Variants in GET4 observed in about 807,000 individuals in gnomAD.
GET4 encodes the protein guided entry of tail-anchored proteins factor 4.
GET4 carries 20 observed loss-of-function variants against 40.0 expected under a neutral mutation model. The observed-to-expected ratio is 0.50, with a 90% confidence interval of 0.35 to 0.73. GET4 has a LOEUF of 0.73. Among genes scored for constraint, GET4 ranks in the 30% least tolerant of loss-of-function variants. GET4 has a pLI of 0.01. For missense variants in GET4, 557 were observed against 454.0 expected, an observed-to-expected ratio of 1.23 and a Z score of -2.06; for synonymous variants, 280 against 194.6, an observed-to-expected ratio of 1.44 and a Z score of -3.65.
In GET4 at chr7:895,579, T is replaced by C. The variant is rs1844464074; in HGVS notation, c.*157T>C. 1 of 502,052 alleles carries C rather than the reference T, an allele frequency of 2.0e-6. No homozygotes were observed. Among genetic ancestry groups the C allele is most frequent in the Middle Eastern group, 5.3e-4 (1 of 1,898 alleles). The allele number at this position is 502,052 out of a possible 1,614,324, so 31.1% of individuals were successfully genotyped here. On this transcript the variant is annotated 3_prime_UTR_variant, in exon 9 of 9. Coordinates refer to ENST00000265857, the MANE Select transcript of GET4 (RefSeq NM_015949.3). ...TCTGTTTCTGTGCGGCGGCTCAGGG[T>C]GGCGCGGCTGCTGCTCACTGTGCTG...
At chr7:887,574 G>C (rs1844216994) in intron 4 of GET4, 55 bp downstream of exon 4, 2 of 1,377,894 alleles carry the variant, frequency 1.5e-6, no homozygotes, top group Non-Finnish European at 1.9e-6. Flanking sequence ...GCGTTGATTT[G>C]CACTGTGCGT....
intron 6 of GET4, among the ~76,000 whole-genome samples, chr7:892,667 A>G (rs1844355147): frequency 7.7e-6 from 1 of 129,642 alleles, no homozygotes; most frequent in Non-Finnish European, 1.6e-5. Context: ...GGCGTGGGGG[A>G]GTGTAGGTGT....
chr7:894,622 C>A (rs536176670), intron 8 of GET4, among the ~76,000 whole-genome samples: 1 of 152,144 alleles, frequency 6.6e-6, no homozygotes, highest in Non-Finnish European at 1.5e-5. Context: ...CCGTCAGGAG[C>A]GCCCTGACTC....
intron 1 of GET4, chr7:884,425 G>T: frequency 8.4e-7 from 1 of 1,190,620 alleles, no homozygotes; most frequent in South Asian, 1.3e-5. Flanking sequence ...TTCACTGTGC[G>T]GGGAGCACAG....
rs1482549635 is a variant in GET4, at chr7:878,687, T to C, written c.155+1887T>C. On this transcript the variant is annotated intron_variant, in intron 1 of 8. Transcript: ENST00000265857. Reference sequence around the variant, plus strand: ...TCCACCTCCCGAGTTCAAGCTATATTCTCCTGCCTCAGCCTCCTGAGTAGC... The same window carrying C: ...TCCACCTCCCGAGTTCAAGCTATATCCTCCTGCCTCAGCCTCCTGAGTAGC... Among the ~76,000 whole-genome samples the C allele has an allele frequency of 3.9e-5, 6 of 152,046 alleles. No individual in the cohort carries two copies. The East Asian group carries it at 1.2e-3, about 29-fold the overall frequency.
At chr7:886,874 G>T (rs1209567159) in intron 3 of GET4, among the ~76,000 whole-genome samples, 1 of 152,264 alleles carries the variant, frequency 6.6e-6, no homozygotes, top group Non-Finnish European at 1.5e-5. Context: ...TGATTCGTAG[G>T]CAGGGCATGA....
chr7:885,395 C>T (rs7785205), intron 1 of GET4: 18,278 of 152,662 alleles, frequency 0.12, 1,244 homozygotes, highest in South Asian at 0.24. Context: ...GTCTGTCACG[C>T]GCTGGTCCCC....
chr7:895,634 GCT>G lies in GET4; in HGVS notation c.*213_*214del. The G allele has an allele frequency of 4.8e-6, 2 of 420,822 alleles. No homozygotes were observed. The highest frequency in any genetic ancestry group is 7.6e-5 in the East Asian group (2 of 26,244). The allele number at this position is 420,822 out of a possible 1,614,324, so 26.1% of individuals were successfully genotyped here. Reference sequence around the variant, plus strand: ...GACCCAAGAGTGGGGCGTCGCCCCTGCTGGCCGCCGCGTCCCCCGAGATTGAC... The same window carrying G: ...GACCCAAGAGTGGGGCGTCGCCCCTGGGCCGCCGCGTCCCCCGAGATTGAC... On this transcript the variant is annotated 3_prime_UTR_variant, in exon 9 of 9. Transcript: ENST00000265857.
chr7:886,869 C>G (rs569802844), intron 3 of GET4, among the ~76,000 whole-genome samples: 1 of 152,348 alleles, frequency 6.6e-6, no homozygotes, highest in Non-Finnish European at 1.5e-5. Context: ...TGCTGTGATT[C>G]GTAGGCAGGG....
intron 1 of GET4, 119 bp from the exon 2 acceptor site, chr7:885,937 G>C: frequency 1.4e-6 from 1 of 715,976 alleles, no homozygotes; most frequent in South Asian, 1.5e-5. Flanking sequence ...GGGAGCGGCT[G>C]CTTTTAGGAT....
intron 5 of GET4, among the ~76,000 whole-genome samples, chr7:891,681 T>C (rs950842743): frequency 5.3e-5 from 8 of 152,152 alleles, no homozygotes; most frequent in African/African-American, 1.7e-4. Context: ...AAGGCGGGCG[T>C]TGGGGATTTG....
At chr7:893,678 T>C in intron 6 of GET4, 62 bp from the exon 7 acceptor site, 1 of 1,110,646 alleles carries the variant, frequency 9.0e-7, no homozygotes, top group Non-Finnish European at 1.4e-6. Flanking sequence ...CGCGGTGGTT[T>C]GTGCAGGTGA....
intron 1 of GET4, chr7:885,187 G>A (rs1426188186): frequency 6.6e-6 from 1 of 152,264 alleles, no homozygotes; most frequent in African/African-American, 2.4e-5. Context: ...AACTCGTTAT[G>A]TATCTTTTGA....
rs754816632 is a variant in GET4, at chr7:887,320, G to C, written c.317-50G>C. 2.6e-6 allele frequency: 4 copies of C among 1,546,358 alleles called. No homozygotes were observed. In the African/African-American group the frequency reaches 4.1e-5, roughly 16 times the overall value. On this transcript the variant is annotated intron_variant, in intron 3 of 8. Transcript: ENST00000265857. ...ACTTCTGTGGGGAATGTGGGACAGA[G>C]AGCCGGAGTGGCCGTGCGTTCCTCT...
In GET4 at chr7:895,374, G is replaced by C; in HGVS notation, c.936G>C (p.Glu312Asp). 6.2e-7 allele frequency: 1 copy of C among 1,601,200 alleles called. No individual in the cohort carries two copies. The highest frequency in any genetic ancestry group is 8.5e-7 in the Non-Finnish European group (1 of 1,169,764). ...LTSLMGSSEQ[E>D]DGEESPSDGS... ...GCCTCATGGGCTCCTCAGAGCAGGA[G>C]GATGGGGAGGAGAGCCCCAGCGACG... Residue 312 changes from glutamate to aspartate, a missense_variant, in exon 9 of 9, where the codon GAG becomes GAC. Coordinates refer to ENST00000265857, the MANE Select transcript of GET4 (RefSeq NM_015949.3).
rs1479282145 is a variant in GET4 at position 878,283 on chromosome 7, G to T, written c.155+1483G>T. 1.7e-5 allele frequency: 8 copies of T among 471,000 alleles called. No homozygotes were observed. In the East Asian group the frequency reaches 5.6e-4, roughly 33 times the overall value. The allele number at this position is 471,000 out of a possible 1,614,324, so 29.2% of individuals were successfully genotyped here. ...TTGTCTTCAGGACTGCTCTGTTCCAGTATTTTTGCTGTCATACAGTTACTG... is the reference window on the plus strand; with the variant it reads ...TTGTCTTCAGGACTGCTCTGTTCCATTATTTTTGCTGTCATACAGTTACTG... On this transcript the variant is annotated intron_variant, in intron 1 of 8. Transcript: ENST00000265857.
chr7:881,642 C>G lies in GET4; in HGVS notation c.156-4414C>G, dbSNP rs61100992. On this transcript the variant is annotated intron_variant, in intron 1 of 8. Transcript: ENST00000265857. ...AATATTCTTATGTTTATTTTAGCCT[C>G]GGGCAGGTGTGCAGGCTTTGTTGAT... 8 of 152,222 alleles carry G rather than the reference C, an allele frequency of 5.3e-5. No homozygotes were observed. The East Asian group carries it at 1.3e-3, about 26-fold the overall frequency. 9.4% of individuals were successfully genotyped at this position (152,222 alleles called of 1,614,324 possible).
chr7:895,292 G>A, intron 8 of GET4, 42 bp from the exon 9 acceptor site: 1 of 984,556 alleles, frequency 1.0e-6, no homozygotes, highest in Non-Finnish European at 1.6e-6. Flanking sequence ...GGGCCTGTGG[G>A]AGGCTGCCCA....
intron 6 of GET4, among the ~76,000 whole-genome samples, chr7:893,470 G>A (rs542760783): frequency 2.7e-4 from 38 of 139,868 alleles, no homozygotes; most frequent in South Asian, 9.9e-4. Context: ...GCGCGGGCGC[G>A]GTGGTTTGTG....
Sources: gnomAD v4.1 joint callset for allele counts (sites outside exome capture counted in the v4.1 genomes callset) on GRCh38, gnomAD v4.1.1 for gene constraint, MANE v1.5 for transcripts, NCBI Gene and HGNC (gene_info 2026-07-23, HGNC 2026-07-21) for gene names.